Variants in TOP6BL observed in about 807,000 individuals in gnomAD.
TOP6BL encodes the protein TOP6B like initiator of meiotic double strand breaks.
the TOP6BL span, chr11:66,828,491 GTCTGTGAAACAAAATCA>G: frequency 1.8e-5 from 12 of 658,648 alleles, no homozygotes; most frequent in Non-Finnish European, 3.1e-5. Context: ...CAGCAAGGAA[GTCTGTGAAACAAAATCA>G]TCTGTTTTCT....
the TOP6BL span, among the ~76,000 whole-genome samples, chr11:66,808,761 G>C: frequency 6.6e-6 from 1 of 152,104 alleles, no homozygotes; most frequent in South Asian, 2.1e-4. Flanking sequence ...AAGATAGCAA[G>C]AACTTAGCAA....
At chr11:66,761,433 A>C in the TOP6BL span, 1 of 259,224 alleles carries the variant, frequency 3.9e-6, no homozygotes, top group Non-Finnish European at 6.9e-6. Flanking sequence ...ATGAGGGTGC[A>C]AAACATAGAA....
At chr11:66,825,393 A>G in the TOP6BL span, among the ~76,000 whole-genome samples, 2 of 150,836 alleles carry the variant, frequency 1.3e-5, no homozygotes, top group East Asian at 4.0e-4. Flanking sequence ...TGAGAGGCTG[A>G]GGCAGGAGAA....
the TOP6BL span, among the ~76,000 whole-genome samples, chr11:66,757,382 T>C: frequency 6.6e-6 from 1 of 152,146 alleles, no homozygotes; most frequent in African/African-American, 2.4e-5. Flanking sequence ...TATCTGTTGT[T>C]AAATGTTCTG....
At chr11:66,840,175 C>A in the TOP6BL span, among the ~76,000 whole-genome samples, 1 of 152,156 alleles carries the variant, frequency 6.6e-6, no homozygotes, top group Non-Finnish European at 1.5e-5. Flanking sequence ...TGTGTTGATG[C>A]CACCATCCAT....
At chr11:66,793,811 T>A in the TOP6BL span, among the ~76,000 whole-genome samples, 1 of 151,652 alleles carries the variant, frequency 6.6e-6, no homozygotes, top group Non-Finnish European at 1.5e-5. Flanking sequence ...AGTGTACTTA[T>A]AAAAAACATT....
the TOP6BL span, among the ~76,000 whole-genome samples, chr11:66,759,384 A>T: frequency 6.6e-6 from 1 of 152,150 alleles, no homozygotes; most frequent in South Asian, 2.1e-4. Flanking sequence ...TTTTCTGTAT[A>T]CTCTGTATAC....
the TOP6BL span, among the ~76,000 whole-genome samples, chr11:66,839,927 T>C: frequency 6.6e-6 from 1 of 152,084 alleles, no homozygotes; most frequent in African/African-American, 2.4e-5. Flanking sequence ...CCTAACAAAC[T>C]AGAGGACCCA....
the TOP6BL span, chr11:66,842,699 G>C: frequency 2.6e-6 from 2 of 765,062 alleles, no homozygotes; most frequent in South Asian, 2.0e-5. Context: ...AGCGCCCACA[G>C]CTGCAGGGTT....
At chr11:66,808,776 AAAAC>A in the TOP6BL span, among the ~76,000 whole-genome samples, 2 of 152,218 alleles carry the variant, frequency 1.3e-5, no homozygotes, top group African/African-American at 4.8e-5. Flanking sequence ...TAGCAAAAAT[AAAAC>A]AAAGAGACAA....
chr11:66,767,577 G>A, the TOP6BL span, among the ~76,000 whole-genome samples: 1 of 151,852 alleles, frequency 6.6e-6, no homozygotes, highest in Admixed American at 6.5e-5. Flanking sequence ...TCTTTATACA[G>A]TATGGCCAGT....
the TOP6BL span, among the ~76,000 whole-genome samples, chr11:66,823,560 C>T: frequency 6.6e-6 from 1 of 152,022 alleles, no homozygotes; most frequent in Non-Finnish European, 1.5e-5. Flanking sequence ...GTGGCTCATG[C>T]CTGTAATCCC....
At chr11:66,799,155 C>T in the TOP6BL span, among the ~76,000 whole-genome samples, 4 of 131,138 alleles carry the variant, frequency 3.1e-5, no homozygotes, top group African/African-American at 8.8e-5. Flanking sequence ...TGCAGTGAGC[C>T]GAGATTGTGT....
chr11:66,812,090 C>T, the TOP6BL span, among the ~76,000 whole-genome samples: 1 of 152,150 alleles, frequency 6.6e-6, no homozygotes, highest in African/African-American at 2.4e-5. Flanking sequence ...CTATAGCTAT[C>T]TTCATATTAC....
At chr11:66,744,819 G>GGGGGGCGGC in the TOP6BL span, 62 of 1,230,578 alleles carry the variant, frequency 5.0e-5, no homozygotes, top group African/African-American at 8.0e-4. Flanking sequence ...GCTGAGGAGG[G>GGGGGGCGGC]GGCGGCGGCG....
the TOP6BL span, among the ~76,000 whole-genome samples, chr11:66,745,380 G>C: frequency 2.0e-5 from 3 of 152,082 alleles, no homozygotes; most frequent in African/African-American, 7.2e-5. Flanking sequence ...GCGAGGGAGA[G>C]TTTTTTTAGG....
At chr11:66,763,040 T>C in the TOP6BL span, among the ~76,000 whole-genome samples, 3 of 152,080 alleles carry the variant, frequency 2.0e-5, no homozygotes, top group Admixed American at 2.0e-4. Context: ...CCCCCATCTC[T>C]ACAAATAAAG....
chr11:66,747,839 C>T, the TOP6BL span, among the ~76,000 whole-genome samples: 6 of 148,836 alleles, frequency 4.0e-5, no homozygotes, highest in African/African-American at 1.5e-4. Flanking sequence ...AGGCTGATCT[C>T]AAACTGTTGA....
the TOP6BL span, chr11:66,822,821 C>A: frequency 3.3e-6 from 2 of 611,406 alleles, no homozygotes; most frequent in East Asian, 2.8e-5. Context: ...CTGGGCAACA[C>A]AGGGAGACCC....
Sources: gnomAD v4.1 joint callset for allele counts (sites outside exome capture counted in the v4.1 genomes callset) on GRCh38, gnomAD v4.1.1 for gene constraint, MANE v1.5 for transcripts, NCBI Gene and HGNC (gene_info 2026-07-23, HGNC 2026-07-21) for gene names.